CRISPLD2: variants seen among roughly 807,000 people sequenced by gnomAD.
The protein encoded by CRISPLD2 is cysteine-rich secretory protein LCCL domain-containing 2.
In CRISPLD2, 47 loss-of-function variants were observed where a neutral mutation model predicts 71.1. The ratio of observed to expected loss-of-function variants is 0.66; its 90% CI spans 0.52 to 0.84. CRISPLD2 has a LOEUF of 0.84. Among genes scored for constraint, CRISPLD2 ranks in the 40% least tolerant of loss-of-function variants. The pLI is 0.00. For synonymous variants in CRISPLD2, 317 were observed against 250.1 expected (o/e 1.27, Z -2.52); for missense variants, 830 against 651.1 (o/e 1.27, Z -2.99).
Position 84,907,196 on chromosome 16 carries a change from G to C in CRISPLD2, c.*554G>C, listed in dbSNP as rs1317123606. 1.2e-5 allele frequency: 2 copies of C among 168,834 alleles called. No individual in the cohort carries two copies. Among genetic ancestry groups the C allele is most frequent in the Non-Finnish European group, 2.5e-5 (2 of 78,650 alleles). The allele number at this position is 168,834 out of a possible 1,614,324, so 10.5% of individuals were successfully genotyped here. On this transcript the variant is annotated 3_prime_UTR_variant, in exon 15 of 15. Transcript: ENST00000262424. ...TGGTCAGACAGACAAATGGGCTAGA[G>C]TAAGAGGGCTGCGGGTATGAGAGAC...
At chr16:84,869,021 A>G in intron 8 of CRISPLD2, 110 bp downstream of exon 8, 2 of 941,936 alleles carry the variant, frequency 2.1e-6, no homozygotes, top group Non-Finnish European at 3.2e-6. Flanking sequence ...TTGCATATTT[A>G]GCAAGCTGCT....
At chr16:84,847,921 G>T (rs1916960513) in intron 3 of CRISPLD2, among the ~76,000 whole-genome samples, 1 of 152,132 alleles carries the variant, frequency 6.6e-6, no homozygotes, top group African/African-American at 2.4e-5. Flanking sequence ...TCCCTCTGTG[G>T]ACAGACCAAA....
intron 14 of CRISPLD2, among the ~76,000 whole-genome samples, chr16:84,894,366 TA>T (rs2071687858): frequency 6.6e-6 from 1 of 152,204 alleles, no homozygotes; most frequent in South Asian, 2.1e-4. Flanking sequence ...GGGAAATATA[TA>T]AACAATGACA....
chr16:84,854,631 G>C, intron 5 of CRISPLD2, 98 bp from the exon 6 acceptor site: 1 of 827,308 alleles, frequency 1.2e-6, no homozygotes, highest in Non-Finnish European at 2.1e-6. Context: ...ACCTGTCAGT[G>C]GCGGTGTTCA....
chr16:84,871,705 C>G (rs2071470464), intron 8 of CRISPLD2, among the ~76,000 whole-genome samples: 2 of 151,996 alleles, frequency 1.3e-5, no homozygotes, highest in Non-Finnish European at 2.9e-5. Context: ...GTGCCTGCCA[C>G]CACACGCGGC....
intron 2 of CRISPLD2, among the ~76,000 whole-genome samples, chr16:84,840,799 CCG>C (rs1916749781): frequency 6.6e-6 from 1 of 152,208 alleles, no homozygotes; most frequent in Non-Finnish European, 1.5e-5. Flanking sequence ...ACCTCAGCCT[CCG>C]ACAGTGCTGG....
chr16:84,871,318 G>C (rs2071467293), intron 8 of CRISPLD2, among the ~76,000 whole-genome samples: 1 of 152,048 alleles, frequency 6.6e-6, no homozygotes, highest in South Asian at 2.1e-4. Context: ...CACCTTGGGA[G>C]GTCAAGGTGG....
In CRISPLD2 at chr16:84,889,287, G is replaced by T; in HGVS notation, c.1363G>T (p.Gly455Cys). 6.2e-7 allele frequency: 1 copy of T among 1,614,108 alleles called. No homozygotes were observed. Among genetic ancestry groups the T allele is most frequent in the South Asian group, 1.1e-5 (1 of 91,076 alleles). ...HAGVISNESG[G>C]DVDVMPVDKK... ...GGGAGTCATCAGCAACGAGAGTGGGGGTGACGTGGACGTGATGCCCGTGGA... is the reference window on the plus strand; with the variant it reads ...GGGAGTCATCAGCAACGAGAGTGGGTGTGACGTGGACGTGATGCCCGTGGA... Residue 455 changes from glycine to cysteine, a missense_variant, in exon 14 of 15, where the codon GGT becomes TGT. Physicochemically the swap from Gly to Cys is radical, Grantham distance 159. Coordinates refer to ENST00000262424, the MANE Select transcript of CRISPLD2 (RefSeq NM_031476.4).
intron 4 of CRISPLD2, 114 bp from the exon 5 acceptor site, chr16:84,850,454 C>G: frequency 1.3e-6 from 1 of 796,776 alleles, no homozygotes; most frequent in East Asian, 2.5e-5. Context: ...TCTGCTTCCC[C>G]AACCCTTCAC....
chr16:84,833,091 T>C (rs1916526843), intron 1 of CRISPLD2, among the ~76,000 whole-genome samples: 1 of 152,214 alleles, frequency 6.6e-6, no homozygotes, highest in South Asian at 2.1e-4. Flanking sequence ...GTCTCCTAAA[T>C]GCCAGTCTCC....
At chr16:84,895,076 A>G (rs934209225) in intron 14 of CRISPLD2, among the ~76,000 whole-genome samples, 2 of 151,852 alleles carry the variant, frequency 1.3e-5, no homozygotes, top group Non-Finnish European at 2.9e-5. Context: ...CCCCTCCTCC[A>G]CTCGTATTCC....
chr16:84,903,497 C>G (rs1407537243), intron 14 of CRISPLD2, among the ~76,000 whole-genome samples: 1 of 151,566 alleles, frequency 6.6e-6, no homozygotes, highest in East Asian at 1.9e-4. Flanking sequence ...GAGGCTGAGG[C>G]AGGAGAATCG....
In CRISPLD2 at chr16:84,877,480, C is replaced by T. The variant is rs777452684; in HGVS notation, c.1199C>T (p.Pro400Leu). ...DCYTTVAQLCPFEKPATHCPR... is the reference protein window; with the variant it reads ...DCYTTVAQLCLFEKPATHCPR... ...TACACGACCGTTGCTCAGCTGTGCC[C>T]GTTTGAAAAGCCAGCAACTCACTGC... Residue 400 changes from proline (P) to leucine (L), a missense_variant, in exon 12 of 15, where the codon CCG becomes CTG. Coordinates refer to ENST00000262424, the MANE Select transcript of CRISPLD2 (RefSeq NM_031476.4). 47 of 1,613,806 alleles carry T rather than the reference C, an allele frequency of 2.9e-5. No homozygotes were observed. In the Middle Eastern group the frequency reaches 1.3e-3, roughly 45 times the overall value.
At chr16:84,833,751 C>T (rs973168701) in intron 1 of CRISPLD2, among the ~76,000 whole-genome samples, 3 of 152,238 alleles carry the variant, frequency 2.0e-5, no homozygotes, top group Admixed American at 1.3e-4. Context: ...GTTGGTGGAA[C>T]GTCACCATGA....
At chr16:84,879,348 A>T (rs572990833) in intron 12 of CRISPLD2, among the ~76,000 whole-genome samples, 89 of 144,974 alleles carry the variant, frequency 6.1e-4, no homozygotes, top group African/African-American at 2.3e-3. Context: ...CTGTTCTTAG[A>T]CTCTTTCCAA....
rs2071770388 is a variant in CRISPLD2, at chr16:84,903,159, C to T, written c.1440-3429C>T. Among the ~76,000 whole-genome samples, 3 of 152,252 alleles carry T rather than the reference C, an allele frequency of 2.0e-5. No individual in the cohort carries two copies. The South Asian group carries it at 6.2e-4, about 32-fold the overall frequency. On this transcript the variant is annotated intron_variant, in intron 14 of 14. Coordinates refer to ENST00000262424, the MANE Select transcript of CRISPLD2 (RefSeq NM_031476.4). ...TTGGTTTGGTCTGTTGGGCCTAGCC[C>T]AGTCCAAAACAATGGCCTCCCGTCA...
At chr16:84,837,000 G>A (rs555283705) in intron 1 of CRISPLD2, among the ~76,000 whole-genome samples, 10 of 152,094 alleles carry the variant, frequency 6.6e-5, no homozygotes, top group Non-Finnish European at 1.3e-4. Context: ...CCATCTCCCC[G>A]ACCTAACTGA....
intron 13 of CRISPLD2, among the ~76,000 whole-genome samples, chr16:84,884,614 TGAGAG>T (rs983780135): frequency 2.7e-5 from 4 of 150,576 alleles, no homozygotes; most frequent in African/African-American, 1.0e-4. Flanking sequence ...CTGAAGCCTG[TGAGAG>T]GAGAGGTGTG....
chr16:84,853,279 C>A (rs541158028), intron 5 of CRISPLD2, among the ~76,000 whole-genome samples: 1 of 152,260 alleles, frequency 6.6e-6, no homozygotes, highest in African/African-American at 2.4e-5. Flanking sequence ...TGGGCTTCAC[C>A]CAGAGACAGG....
Sources: allele counts gnomAD v4.1 joint callset (sites outside exome capture counted in the v4.1 genomes callset), GRCh38; gene constraint gnomAD v4.1.1; transcripts MANE v1.5; gene names NCBI Gene and HGNC (gene_info 2026-07-23, HGNC 2026-07-21).